CD3E: variants seen among roughly 807,000 people sequenced by gnomAD.
CD3E encodes the protein CD3 epsilon subunit of T-cell receptor complex.
A neutral mutation model predicts 34.7 loss-of-function variants in CD3E; 16 were observed. The ratio of observed to expected loss-of-function variants is 0.46; its 90% CI spans 0.31 to 0.70. The LOEUF (loss-of-function observed/expected upper bound fraction) is 0.70, where lower values mean the gene tolerates loss of function less well. CD3E is among the 30% of genes least tolerant of loss of function. CD3E has a pLI of 0.05. For synonymous variants in CD3E, 70 were observed against 90.8 expected, an observed-to-expected ratio of 0.77 and a Z score of 1.30; for missense variants, 223 against 253.9, an observed-to-expected ratio of 0.88 and a Z score of 0.83.
intron 5 of CD3E, chr11:118,312,376 C>T (rs1181209881): frequency 1.4e-6 from 1 of 711,546 alleles, no homozygotes; most frequent in Non-Finnish European, 2.4e-6. Context: ...CCCCATGTCC[C>T]TGCGTAAACC....
intron 7 of CD3E, 117 bp from the exon 8 acceptor site, chr11:118,314,331 C>A: frequency 1.2e-6 from 1 of 802,688 alleles, no homozygotes; most frequent in Non-Finnish European, 2.2e-6. Flanking sequence ...GAAAAGGGAG[C>A]GGTAGAGGAG....
At chr11:118,309,876 G>A (rs1250728791) in intron 4 of CD3E, among the ~76,000 whole-genome samples, 1 of 152,238 alleles carries the variant, frequency 6.6e-6, no homozygotes, top group Non-Finnish European at 1.5e-5. Context: ...CCAACACTTT[G>A]GGAGGCCAAG....
At position 118,307,223 on chromosome 11, in the gene CD3E, T is replaced by C. The variant is rs926943108; in HGVS notation, c.50-65T>C. 9 of 1,296,194 alleles carry C rather than the reference T, an allele frequency of 6.9e-6. No individual in the cohort carries two copies. In the African/African-American group the frequency reaches 1.2e-4, roughly 17 times the overall value. 80.3% of individuals were successfully genotyped at this position (1,296,194 alleles called of 1,614,324 possible). ...GGTCATACTGCAACACAGCCCTTTT[T>C]CTGTTTAGGAATGCAGGTACCCACA... On this transcript the variant is annotated intron_variant, in intron 2 of 8. Transcript: ENST00000361763.
Position 118,312,830 on chromosome 11 carries a change from G to A in CD3E, c.316G>A (p.Glu106Lys). 6.2e-7 allele frequency: 1 copy of A among 1,614,166 alleles called. No individual in the cohort carries two copies. Among genetic ancestry groups the A allele is most frequent in the Non-Finnish European group, 8.5e-7 (1 of 1,180,044 alleles). Residue 106 changes from glutamate to lysine, a missense_variant, in exon 6 of 9, where the codon GAA becomes AAA. Physicochemically the swap from Glu to Lys is moderately conservative, Grantham distance 56. Transcript: ENST00000361763. ...CTGCTACCCCAGAGGAAGCAAACCA[G>A]AAGATGCGAACTTTTATCTCTACCT... ...YVCYPRGSKP[E>K]DANFYLYLRA...
intron 7 of CD3E, among the ~76,000 whole-genome samples, chr11:118,314,174 T>C (rs1948152270): frequency 6.6e-6 from 1 of 152,178 alleles, no homozygotes; most frequent in South Asian, 2.1e-4. Flanking sequence ...GACTTTGATA[T>C]ATTAGCTCCT....
intron 4 of CD3E, among the ~76,000 whole-genome samples, chr11:118,311,745 T>C (rs1446592437): frequency 3.9e-5 from 6 of 152,210 alleles, no homozygotes; most frequent in Admixed American, 3.9e-4. Flanking sequence ...AAGACCTGGA[T>C]GACAGATGAC....
intron 2 of CD3E, among the ~76,000 whole-genome samples, chr11:118,305,707 CT>C (rs1294251767): frequency 6.6e-6 from 1 of 152,204 alleles, no homozygotes; most frequent in Non-Finnish European, 1.5e-5. Flanking sequence ...GATAAGTCCT[CT>C]CTACTTCACA....
intron 4 of CD3E, among the ~76,000 whole-genome samples, chr11:118,311,430 G>C (rs1368065583): frequency 6.6e-6 from 1 of 152,174 alleles, no homozygotes; most frequent in Non-Finnish European, 1.5e-5. Flanking sequence ...ACACTAATAG[G>C]CCTCCCTCTA....
chr11:118,307,768 C>A (rs887314121), intron 3 of CD3E, among the ~76,000 whole-genome samples: 19 of 152,160 alleles, frequency 1.2e-4, no homozygotes, highest in Non-Finnish European at 2.4e-4. Context: ...GTGTGCCCGG[C>A]CTGAACTTAC....
At chr11:118,314,615 C>T (rs1290133423) in intron 8 of CD3E, 121 bp downstream of exon 8, 6 of 847,208 alleles carry the variant, frequency 7.1e-6, no homozygotes, top group Non-Finnish European at 1.2e-5. Flanking sequence ...TCAGGGCTTC[C>T]ATTACAACCC....
chr11:118,308,752 G>A (rs1361567963), intron 4 of CD3E, among the ~76,000 whole-genome samples: 1 of 152,152 alleles, frequency 6.6e-6, no homozygotes, highest in Non-Finnish European at 1.5e-5. Flanking sequence ...CCCAGTGTCT[G>A]GCACATAGTA....
chr11:118,305,521 C>T (rs570196897), intron 2 of CD3E, among the ~76,000 whole-genome samples: 1 of 152,208 alleles, frequency 6.6e-6, no homozygotes, highest in African/African-American at 2.4e-5. Context: ...TAACCAAGAG[C>T]ATTTCTGTAT....
chr11:118,305,658 C>T (rs1246785352), intron 2 of CD3E, among the ~76,000 whole-genome samples: 1 of 152,142 alleles, frequency 6.6e-6, no homozygotes, highest in Non-Finnish European at 1.5e-5. Flanking sequence ...GTGTTATATC[C>T]TCTTTTTAAA....
intron 4 of CD3E, among the ~76,000 whole-genome samples, chr11:118,309,844 G>A (rs1948126321): frequency 6.6e-6 from 1 of 152,204 alleles, no homozygotes; most frequent in Non-Finnish European, 1.5e-5. Flanking sequence ...TAGGCCAAGT[G>A]CCATGGTTCA....
At chr11:118,312,562 TG>T in intron 5 of CD3E, 55 bp from the exon 6 acceptor site, 1 of 1,608,510 alleles carries the variant, frequency 6.2e-7, no homozygotes, top group Non-Finnish European at 8.5e-7. Flanking sequence ...GTCACTAATT[TG>T]CCTTTTCTAA....
At chr11:118,308,996 T>A (rs1218989100) in intron 4 of CD3E, among the ~76,000 whole-genome samples, 1 of 152,180 alleles carries the variant, frequency 6.6e-6, no homozygotes, top group Non-Finnish European at 1.5e-5. Flanking sequence ...GTCCTTGAGC[T>A]GAATTTTAAA....
intron 3 of CD3E, among the ~76,000 whole-genome samples, chr11:118,307,865 T>A (rs551673808): frequency 1.4e-4 from 22 of 152,216 alleles, no homozygotes; most frequent in Non-Finnish European, 3.1e-4. Flanking sequence ...AGTGAACCAA[T>A]GTTGTATTTA....
chr11:118,307,815 A>G (rs1948115931), intron 3 of CD3E, among the ~76,000 whole-genome samples: 1 of 152,200 alleles, frequency 6.6e-6, no homozygotes. Flanking sequence ...GAGTGTTCCA[A>G]CATTGGAAGC....
rs746931670 is a variant in CD3E, at chr11:118,312,949, C to T, written c.352+83C>T. ...GGCATTCTCAGTGATTTTCCCTAAC[C>T]CAGCTCACAGTGCCCAGGCGTCTTT... On this transcript the variant is annotated intron_variant, in intron 6 of 8. Coordinates refer to ENST00000361763, the MANE Select transcript of CD3E (RefSeq NM_000733.4). 5 of 1,541,474 alleles carry T rather than the reference C, an allele frequency of 3.2e-6. No individual in the cohort carries two copies. In the African/African-American group the frequency reaches 5.4e-5, roughly 17 times the overall value.
Sources: gnomAD v4.1 joint callset for allele counts (sites outside exome capture counted in the v4.1 genomes callset) on GRCh38, gnomAD v4.1.1 for gene constraint, MANE v1.5 for transcripts, NCBI Gene and HGNC (gene_info 2026-07-23, HGNC 2026-07-21) for gene names.